Variants in PSAT1 observed in about 807,000 individuals in gnomAD.
The protein encoded by PSAT1 is phosphoserine aminotransferase.
A neutral mutation model predicts 40.3 loss-of-function variants in PSAT1; 41 were observed. The ratio of observed to expected loss-of-function variants is 1.02; its 90% CI spans 0.79 to 1.32. The LOEUF (loss-of-function observed/expected upper bound fraction) is 1.32. Ranked by LOEUF, PSAT1 falls within the 40% of genes most tolerant of loss-of-function variation. The probability of loss-of-function intolerance (pLI) is 0.00; values close to 1 mark genes in which losing one functional copy is unlikely to be tolerated. For missense variants in PSAT1, 406 were observed against 455.8 expected (o/e 0.89, Z 0.99); for synonymous variants, 147 against 170.5 (o/e 0.86, Z 1.07).
chr9:78,300,490 C>T, intron 1 of PSAT1, 112 bp from the exon 2 acceptor site: 1 of 1,362,548 alleles, frequency 7.3e-7, no homozygotes, highest in Non-Finnish European at 9.6e-7. Context: ...GGATGGAAGC[C>T]TGGGGACCTC....
intron 7 of PSAT1, among the ~76,000 whole-genome samples, chr9:78,321,282 T>C (rs1392083755): frequency 6.6e-6 from 1 of 152,164 alleles, no homozygotes; most frequent in Non-Finnish European, 1.5e-5. Context: ...AGGCACTTGG[T>C]GTTCTGTGGG....
chr9:78,305,270 A>T (rs991393310), intron 4 of PSAT1, among the ~76,000 whole-genome samples: 18 of 152,140 alleles, frequency 1.2e-4, no homozygotes, highest in African/African-American at 4.3e-4. Context: ...GCTGGCCACC[A>T]CGCCTGGCTA....
chr9:78,328,720 T>C (rs991399922), intron 8 of PSAT1, among the ~76,000 whole-genome samples: 4 of 152,182 alleles, frequency 2.6e-5, no homozygotes, highest in African/African-American at 9.7e-5. Flanking sequence ...CTTCCCCACA[T>C]CTTGCTTGCT....
chr9:78,313,073 A>T (rs956939885), intron 6 of PSAT1, among the ~76,000 whole-genome samples: 1 of 152,028 alleles, frequency 6.6e-6, no homozygotes, highest in Non-Finnish European at 1.5e-5. Flanking sequence ...TATAACAGTG[A>T]TATACTCTTA....
In PSAT1 at chr9:78,317,657, T is replaced by A. The variant is rs1828367149; in HGVS notation, c.741-19T>A. 6.2e-7 allele frequency: 1 copy of A among 1,613,756 alleles called. No individual in the cohort carries two copies. The highest frequency in any genetic ancestry group is 1.3e-5 in the African/African-American group (1 of 74,904). On this transcript the variant is annotated intron_variant, in intron 6 of 8. Transcript: ENST00000376588. ...TGCAAAGATGAGCTAAACGGATTTT[T>A]TAAAAATCTTCATTTTAGCATCTAC...
intron 1 of PSAT1, 88 bp from the exon 2 acceptor site, chr9:78,300,514 C>G (rs1828091469): frequency 1.3e-6 from 2 of 1,499,990 alleles, no homozygotes; most frequent in Non-Finnish European, 1.8e-6. Flanking sequence ...GTAGACCCTT[C>G]CTTGTCCCCT....
rs1171922432 is a variant in PSAT1 at position 78,313,505 on chromosome 9, C to T, written c.741-4171C>T. ...TCTTAACTGGGCATATGCAAATATA[C>T]AGAGTCATATATTTAATCATGCAAA... On this transcript the variant is annotated intron_variant, in intron 6 of 8. Coordinates refer to ENST00000376588, the MANE Select transcript of PSAT1 (RefSeq NM_058179.4). 2.6e-5 allele frequency among the ~76,000 whole-genome samples: 4 copies of T among 152,300 alleles called. No individual in the cohort carries two copies. In the East Asian group the frequency reaches 7.7e-4, roughly 29 times the overall value.
intron 6 of PSAT1, among the ~76,000 whole-genome samples, chr9:78,313,776 C>T (rs944567335): frequency 2.0e-4 from 31 of 152,146 alleles, no homozygotes; most frequent in African/African-American, 7.2e-4. Context: ...TCCTAAGTAG[C>T]TAGGACTACA....
rs1828182882 is a variant in PSAT1 at position 78,306,352 on chromosome 9, G to A, written c.436G>A (p.Ala146Thr). 2 of 1,612,738 alleles carry A rather than the reference G, an allele frequency of 1.2e-6. No homozygotes were observed. Among genetic ancestry groups the A allele is most frequent in the Non-Finnish European group, 1.7e-6 (2 of 1,179,970 alleles). Reference protein sequence around the residue: ...DPSTWNLNPDASYVYYCANET... With the variant: ...DPSTWNLNPDTSYVYYCANET... The stretch of plus-strand genomic sequence containing the variant: ...AAGCACCTGGAACCTCAACCCAGAT[G>A]CCTCCTACGTGTATTATTGCGCAAA... The change falls in exon 5 of 9, where the codon GCC becomes ACC. Residue 146 changes from alanine to threonine, a missense_variant. Transcript: ENST00000376588.
rs377282696 is a variant in PSAT1 at position 78,304,850 on chromosome 9, G to A, written c.307G>A (p.Val103Met). 2 of 1,614,190 alleles carry A rather than the reference G, an allele frequency of 1.2e-6. No homozygotes were observed. The highest frequency in any genetic ancestry group is 2.2e-5 in the East Asian group (1 of 44,874). ...LKAGRCADYV[V>M]TGAWSAKAAE... is the part of the protein sequence containing the mutation. ...AGCAGGAAGGTGTGCTGACTATGTGGTGACAGGAGCTTGGTCAGCTAAGGC... is the reference window on the plus strand; with the variant it reads ...AGCAGGAAGGTGTGCTGACTATGTGATGACAGGAGCTTGGTCAGCTAAGGC... Residue 103 changes from valine (V) to methionine (M), a missense_variant, in exon 4 of 9, where the codon GTG becomes ATG. By Grantham distance (21) the Val-to-Met change is conservative. Transcript: ENST00000376588.
chr9:78,299,898 C>T (rs531912419), intron 1 of PSAT1, among the ~76,000 whole-genome samples: 1 of 152,098 alleles, frequency 6.6e-6, no homozygotes, highest in African/African-American at 2.4e-5. Context: ...TGATGCCCTC[C>T]TTAGCAAGCA....
In PSAT1 at chr9:78,329,399, A is replaced by G; in HGVS notation, c.*313A>G. On this transcript the variant is annotated 3_prime_UTR_variant, in exon 9 of 9. Coordinates refer to ENST00000376588, the MANE Select transcript of PSAT1 (RefSeq NM_058179.4). ...TTCAAACTTGCCTGTGGACTTAATA[A>G]TGCAAGTTGCGATTAATTATTTCTG... 2.7e-6 allele frequency: 1 copy of G among 373,410 alleles called. No homozygotes were observed. The highest frequency in any genetic ancestry group is 5.1e-6 in the Non-Finnish European group (1 of 195,842). The allele number at this position is 373,410 out of a possible 1,614,324, so 23.1% of individuals were successfully genotyped here.
At chr9:78,314,832 C>A in intron 6 of PSAT1, among the ~76,000 whole-genome samples, 1 of 151,758 alleles carries the variant, frequency 6.6e-6, no homozygotes, top group East Asian at 2.0e-4. Flanking sequence ...CAAACCAAAT[C>A]CACAGTGCAG....
At chr9:78,307,336 T>A (rs1003082420) in intron 5 of PSAT1, among the ~76,000 whole-genome samples, 24 of 152,262 alleles carry the variant, frequency 1.6e-4, no homozygotes, top group Admixed American at 5.2e-4. Context: ...GCAGAATGTC[T>A]TCAAGGTTCT....
At chr9:78,323,504 CAGG>C (rs1828457588) in intron 7 of PSAT1, among the ~76,000 whole-genome samples, 1 of 152,082 alleles carries the variant, frequency 6.6e-6, no homozygotes, top group Non-Finnish European at 1.5e-5. Flanking sequence ...CGCTTGATCC[CAGG>C]AGGTCAAGGC....
chr9:78,308,118 G>C (rs551985578), intron 5 of PSAT1, among the ~76,000 whole-genome samples: 1 of 152,140 alleles, frequency 6.6e-6, no homozygotes, highest in African/African-American at 2.4e-5. Flanking sequence ...TTCTACTTTG[G>C]GGGTAGAAAG....
At chr9:78,324,429 T>G (rs1828469353) in intron 7 of PSAT1, among the ~76,000 whole-genome samples, 4 of 152,166 alleles carry the variant, frequency 2.6e-5, no homozygotes. Context: ...GATTTCCAGC[T>G]GGTTCCATGC....
Position 78,306,349 on chromosome 9 carries a change from G to A in PSAT1, c.433G>A (p.Asp145Asn). ...TCCAAGCACCTGGAACCTCAACCCA[G>A]ATGCCTCCTACGTGTATTATTGCGC... ...PDPSTWNLNP[D>N]ASYVYYCANE... The change falls in exon 5 of 9, where the codon GAT (aspartate) becomes AAT (asparagine). Residue 145 changes from aspartate to asparagine, a missense_variant. Physicochemically the swap from Asp to Asn is conservative, Grantham distance 23. Transcript: ENST00000376588. 6.2e-7 allele frequency: 1 copy of A among 1,612,688 alleles called. No individual in the cohort carries two copies. The highest frequency in any genetic ancestry group is 8.5e-7 in the Non-Finnish European group (1 of 1,179,974).
chr9:78,297,262 C>T lies in PSAT1; in HGVS notation c.52C>T (p.Pro18Ser), dbSNP rs1828039851. 6 of 1,601,092 alleles carry T rather than the reference C, an allele frequency of 3.7e-6. No individual in the cohort carries two copies. Among genetic ancestry groups the T allele is most frequent in the Non-Finnish European group, 4.2e-6 (5 of 1,178,306 alleles). The stretch of plus-strand genomic sequence containing the variant: ...CTTTGGGCCTGGTCCCGCCAAGCTG[C>T]CGCACTCAGTAAGTCCCCGCGAGCG... Reference protein sequence around the residue: ...VNFGPGPAKLPHSVLLEIQKE... With the variant: ...VNFGPGPAKLSHSVLLEIQKE... The change falls in exon 1 of 9, where the codon CCG becomes TCG. Residue 18 changes from proline to serine, a missense_variant. Coordinates refer to ENST00000376588, the MANE Select transcript of PSAT1 (RefSeq NM_058179.4).
Sources: allele counts gnomAD v4.1 joint callset (sites outside exome capture counted in the v4.1 genomes callset), GRCh38; gene constraint gnomAD v4.1.1; transcripts MANE v1.5; gene names NCBI Gene and HGNC (gene_info 2026-07-23, HGNC 2026-07-21).